Variants in USP34 observed in about 807,000 individuals in gnomAD.
The protein encoded by USP34 is ubiquitin carboxyl-terminal hydrolase 34.
USP34 carries 70 observed loss-of-function variants against 460.3 expected under a neutral mutation model. That is an observed-to-expected ratio of 0.15 (90% CI 0.13 to 0.19). USP34 has a LOEUF of 0.19. USP34 is among the 10% of genes least tolerant of loss of function. The probability of loss-of-function intolerance (pLI) is 1.00; values close to 1 mark genes in which losing one functional copy is unlikely to be tolerated. For synonymous variants in USP34, 1,647 were observed against 1,405.3 expected (o/e 1.17, Z -3.85); for missense variants, 3,985 against 4,236.2 (o/e 0.94, Z 1.65).
intron 58 of USP34, among the ~76,000 whole-genome samples, chr2:61,230,359 C>G (rs1687856967): frequency 6.6e-6 from 1 of 152,130 alleles, no homozygotes; most frequent in African/African-American, 2.4e-5. Flanking sequence ...AACCCCACTT[C>G]TACTAAAAAT....
At chr2:61,356,475 G>GCACACACACA (rs70963416) in intron 10 of USP34, among the ~76,000 whole-genome samples, 13 of 128,426 alleles carry the variant, frequency 1.0e-4, no homozygotes, top group Middle Eastern at 3.8e-3. Context: ...GGGTGAAAGC[G>GCACACACACA]CACACACACA....
chr2:61,344,967 T>TA lies in USP34; in HGVS notation c.2286-939dup, dbSNP rs550126576. On this transcript the variant is annotated intron_variant, in intron 15 of 79. Transcript: ENST00000398571. Reference sequence around the variant, plus strand: ...ACATTAGCATTGCTATACATTCAAATAAAAAAAAAATGTTCTGGCCCAAGG... The same window carrying TA: ...ACATTAGCATTGCTATACATTCAAATAAAAAAAAAAATGTTCTGGCCCAAGG... Among the ~76,000 whole-genome samples, 12 of 149,206 alleles carry TA rather than the reference T, an allele frequency of 8.0e-5. No individual in the cohort carries two copies. In the East Asian group the frequency reaches 1.4e-3, roughly 17 times the overall value.
In USP34 at chr2:61,421,797, A is replaced by ACGCGCG. The variant is rs374251365; in HGVS notation, c.44-970_44-965dup. On this transcript the variant is annotated intron_variant, in intron 1 of 79. Coordinates refer to ENST00000398571, the MANE Select transcript of USP34 (RefSeq NM_014709.4). ...AAAACACACACACACACACACACAC[A>ACGCGCG]CGCGCGCGCGCGCACCTTCTACTTA... 1.2e-4 allele frequency among the ~76,000 whole-genome samples: 17 copies of ACGCGCG among 147,396 alleles called. No homozygotes were observed. In the East Asian group the frequency reaches 2.4e-3, roughly 21 times the overall value.
At chr2:61,232,371 C>T (rs1421041808) in intron 58 of USP34, 81 bp downstream of exon 58, 4 of 1,155,572 alleles carry the variant, frequency 3.5e-6, no homozygotes, top group Non-Finnish European at 5.1e-6. Context: ...GGTTAAGACA[C>T]ACTTATAAGC....
chr2:61,360,807 C>A (rs182169003), intron 10 of USP34, among the ~76,000 whole-genome samples: 57 of 152,280 alleles, frequency 3.7e-4, no homozygotes, highest in Admixed American at 2.9e-3. Flanking sequence ...AGGGACGTAC[C>A]ACCACATCCA....
At chr2:61,300,851 A>C (rs1690197282) in intron 29 of USP34, 100 bp downstream of exon 29, 1 of 787,416 alleles carries the variant, frequency 1.3e-6, no homozygotes. Flanking sequence ...GAAAATTATT[A>C]TATACTTTAT....
intron 10 of USP34, among the ~76,000 whole-genome samples, chr2:61,363,851 G>A (rs1692347532): frequency 1.3e-5 from 2 of 150,142 alleles, no homozygotes; most frequent in South Asian, 2.1e-4. Flanking sequence ...ACATACAGTA[G>A]AGTATTAGTC....
Position 61,214,186 on chromosome 2 carries a change from T to C in USP34, c.8556A>G (p.Pro2852=), listed in dbSNP as rs574293671. The C allele has an allele frequency of 2.5e-5, 41 of 1,614,108 alleles. No individual in the cohort carries two copies. Among genetic ancestry groups the C allele is most frequent in the Non-Finnish European group, 3.2e-5 (38 of 1,180,036 alleles). Residue 2852 remains proline, a synonymous_variant, in exon 68 of 80, where the codon CCA becomes CCG. Transcript: ENST00000398571. ...DVVLFNRGML[P]AYYGILRLCC... is the part of the protein sequence containing the mutation. ...AGAGCCTCAGAATGCCATAGTACGC[T>C]GGCAGCATCCCACGGTTAAAAAGCA...
intron 43 of USP34, 178 bp downstream of exon 43, chr2:61,265,219 G>A: frequency 1.5e-6 from 1 of 662,078 alleles, no homozygotes; most frequent in Non-Finnish European, 2.5e-6. Flanking sequence ...ACAGCATTAT[G>A]AGTAATCTAC....
At chr2:61,269,281 C>T (rs1239337376) in intron 41 of USP34, among the ~76,000 whole-genome samples, 4 of 151,790 alleles carry the variant, frequency 2.6e-5, no homozygotes, top group Admixed American at 1.3e-4. Flanking sequence ...CCAGCTCAGC[C>T]TCCTGCGTAG....
chr2:61,395,062 C>T, intron 4 of USP34, 60 bp from the exon 5 acceptor site: 1 of 1,512,144 alleles, frequency 6.6e-7, no homozygotes, highest in Non-Finnish European at 8.9e-7. Flanking sequence ...TTTATCTTAG[C>T]AATACTGGAA....
chr2:61,384,769 T>C (rs1039947091), intron 5 of USP34, among the ~76,000 whole-genome samples: 11 of 152,200 alleles, frequency 7.2e-5, no homozygotes, highest in African/African-American at 2.2e-4. Flanking sequence ...AAAAACCCTG[T>C]AGTAAATACT....
intron 1 of USP34, among the ~76,000 whole-genome samples, chr2:61,467,111 T>G (rs1695791624): frequency 6.6e-6 from 1 of 152,032 alleles, no homozygotes; most frequent in Non-Finnish European, 1.5e-5. Context: ...CAGACCAGCC[T>G]GGCCAATATG....
intron 5 of USP34, among the ~76,000 whole-genome samples, chr2:61,383,806 G>C (rs1305005535): frequency 6.6e-6 from 1 of 152,098 alleles, no homozygotes; most frequent in East Asian, 1.9e-4. Context: ...AAAGAGTATA[G>C]TACAAAACAG....
At position 61,368,487 on chromosome 2, in the gene USP34, T is replaced by C. The variant is rs556281664; in HGVS notation, c.1251+1834A>G. Reference sequence around the variant, plus strand: ...TGTAGCAAGAATTTCCAAAAACAGATAGCTGGCCCACAGACTATAAGTTTA... The same window carrying C: ...TGTAGCAAGAATTTCCAAAAACAGACAGCTGGCCCACAGACTATAAGTTTA... On this transcript the variant is annotated intron_variant, in intron 10 of 79. Transcript: ENST00000398571. Among the ~76,000 whole-genome samples the C allele has an allele frequency of 1.1e-4, 16 of 150,796 alleles. No homozygotes were observed. The East Asian group carries it at 3.1e-3, about 29-fold the overall frequency.
At chr2:61,432,141 C>T (rs1694694124) in intron 1 of USP34, among the ~76,000 whole-genome samples, 1 of 151,806 alleles carries the variant, frequency 6.6e-6, no homozygotes, top group East Asian at 1.9e-4. Context: ...GTGTTTGAGA[C>T]CAGCCTGGGC....
chr2:61,404,175 T>G (rs1573008055), intron 3 of USP34, among the ~76,000 whole-genome samples: 1 of 151,814 alleles, frequency 6.6e-6, no homozygotes, highest in Admixed American at 6.6e-5. Context: ...CCATTCGACA[T>G]GAAAATATCC....
At chr2:61,288,548 C>T (rs772004475) in intron 34 of USP34, 129 bp downstream of exon 34, 8 of 915,810 alleles carry the variant, frequency 8.7e-6, no homozygotes, top group Non-Finnish European at 1.3e-5. Context: ...TGCTTTAAAA[C>T]AATGCCGTCA....
At chr2:61,345,851 G>C (rs1691751449) in intron 15 of USP34, among the ~76,000 whole-genome samples, 2 of 152,150 alleles carry the variant, frequency 1.3e-5, no homozygotes, top group Non-Finnish European at 2.9e-5. Context: ...TGCTCAGGCT[G>C]ATCTCAAGCT....
Sources: gnomAD v4.1 joint callset for allele counts (sites outside exome capture counted in the v4.1 genomes callset) on GRCh38, gnomAD v4.1.1 for gene constraint, MANE v1.5 for transcripts, NCBI Gene and HGNC (gene_info 2026-07-23, HGNC 2026-07-21) for gene names.